ENOX2: variants seen among roughly 807,000 people sequenced by gnomAD.
The protein encoded by ENOX2 is APK1 antigen.
In ENOX2, 36 loss-of-function variants were observed where a neutral mutation model predicts 45.0. That is an observed-to-expected ratio of 0.80 (90% confidence interval 0.61 to 1.06). The LOEUF is 1.06. Ranked by LOEUF, ENOX2 falls within the 50% of genes least tolerant of loss-of-function variation. ENOX2 has a pLI of 0.00. For missense variants in ENOX2, 423 were observed against 462.5 expected (o/e 0.91, Z 0.78); for synonymous variants, 174 against 152.3 (o/e 1.14, Z -1.05).
chrX:130,740,359 T>C (rs1200808081), intron 3 of ENOX2, among the ~76,000 whole-genome samples: 1 of 109,332 alleles, frequency 9.1e-6, no homozygotes, highest in Non-Finnish European at 1.9e-5. Context: ...CAAGATATTC[T>C]GCCACTGCAC....
chrX:130,689,055 G>C, intron 4 of ENOX2, 37 bp from the exon 5 acceptor site: 1 of 1,147,050 alleles, frequency 8.7e-7, no homozygotes, highest in Non-Finnish European at 1.2e-6. Context: ...AATGACACCA[G>C]GCAAAGTTAA....
chrX:130,689,138 G>C, intron 4 of ENOX2, 120 bp from the exon 5 acceptor site: 1 of 512,274 alleles, frequency 2.0e-6, no homozygotes. Flanking sequence ...TATTTAACAA[G>C]CATGGTACTT....
chrX:130,654,464 A>T (rs1490501258), intron 10 of ENOX2, among the ~76,000 whole-genome samples: 1 of 110,785 alleles, frequency 9.0e-6, no homozygotes. Flanking sequence ...CAACAACAAC[A>T]ACTCTGAGAT....
intron 2 of ENOX2, among the ~76,000 whole-genome samples, chrX:130,865,300 G>A (rs1208150850): frequency 9.0e-6 from 1 of 111,053 alleles, no homozygotes; most frequent in Non-Finnish European, 1.9e-5. Context: ...CTACCAGCAG[G>A]GTCTTGGTCT....
chrX:130,825,912 T>G (rs1365374318), intron 2 of ENOX2, among the ~76,000 whole-genome samples: 1 of 111,126 alleles, frequency 9.0e-6, no homozygotes, highest in African/African-American at 3.3e-5. Context: ...TACAGTATAT[T>G]GTTATAGTTG....
At chrX:130,756,955 C>T (rs926060075) in intron 3 of ENOX2, among the ~76,000 whole-genome samples, 3 of 112,335 alleles carry the variant, frequency 2.7e-5, no homozygotes, top group African/African-American at 9.7e-5. Flanking sequence ...CAATAATGTA[C>T]CCTGTACTGT....
At position 130,637,238 on chromosome X, in the gene ENOX2, T is replaced by C. The variant is rs375066119; in HGVS notation, c.1302A>G (p.Gly434=). 89 of 1,209,605 alleles carry C rather than the reference T, an allele frequency of 7.4e-5. No individual in the cohort carries two copies. The Middle Eastern group carries it at 1.4e-3, about 19-fold the overall frequency. Reference sequence around the variant, plus strand: ...ACCAAAATGCCTTTACCTGTTGCATTCCTTGCAGGGCTTGTTGCAGGAGTT... The same window carrying C: ...ACCAAAATGCCTTTACCTGTTGCATCCCTTGCAGGGCTTGTTGCAGGAGTT... ...QLKLLQQALQ[G]MQQHLLKVQE... is the part of the protein sequence containing the mutation. Residue 434 remains glycine (G), a synonymous_variant, in exon 11 of 15, where the codon GGA becomes GGG. Coordinates refer to ENST00000394363, the MANE Select transcript of ENOX2 (RefSeq NM_006375.4).
At chrX:130,775,722 G>C (rs1300593999) in intron 3 of ENOX2, among the ~76,000 whole-genome samples, 1 of 111,180 alleles carries the variant, frequency 9.0e-6, no homozygotes, top group East Asian at 2.8e-4. Flanking sequence ...CACAAGCCAT[G>C]TTCTTCAACA....
At chrX:130,709,657 A>G (rs1464731666) in intron 3 of ENOX2, among the ~76,000 whole-genome samples, 33 of 107,491 alleles carry the variant, frequency 3.1e-4, no homozygotes, top group Non-Finnish European at 4.8e-4. Context: ...AAAAAAAAAG[A>G]AAAGAAAAGA....
intron 12 of ENOX2, among the ~76,000 whole-genome samples, chrX:130,633,089 G>C (rs1340091214): frequency 1.8e-5 from 2 of 111,874 alleles, no homozygotes; most frequent in Non-Finnish European, 3.8e-5. Context: ...TAAAAAATTA[G>C]AAGGTACATT....
At chrX:130,768,448 C>G (rs1251053930) in intron 3 of ENOX2, among the ~76,000 whole-genome samples, 2 of 112,007 alleles carry the variant, frequency 1.8e-5, no homozygotes, top group Non-Finnish European at 3.8e-5. Context: ...GGTTGAGAAT[C>G]ACTGAACAAA....
At chrX:130,820,016 T>C (rs960677446) in intron 2 of ENOX2, among the ~76,000 whole-genome samples, 11 of 111,698 alleles carry the variant, frequency 9.8e-5, no homozygotes, top group African/African-American at 2.0e-4. Context: ...AAGGAAACAA[T>C]AGACTGAAGG....
At chrX:130,885,188 C>A (rs745417338) in intron 2 of ENOX2, among the ~76,000 whole-genome samples, 3 of 112,039 alleles carry the variant, frequency 2.7e-5, no homozygotes, top group African/African-American at 6.5e-5. Context: ...ATACATTTTT[C>A]AGTAAATGAC....
chrX:130,771,216 T>C (rs1350039471), intron 3 of ENOX2, among the ~76,000 whole-genome samples: 2 of 112,313 alleles, frequency 1.8e-5, no homozygotes, highest in African/African-American at 3.2e-5. Context: ...TGAAAGTTCA[T>C]TGGTGTACAT....
intron 5 of ENOX2, among the ~76,000 whole-genome samples, chrX:130,682,526 G>A (rs2037333651): frequency 1.1e-5 from 1 of 92,226 alleles, no homozygotes; most frequent in African/African-American, 4.2e-5. Context: ...GGAGCTTGCA[G>A]TGAGCTAAGA....
intron 2 of ENOX2, among the ~76,000 whole-genome samples, chrX:130,889,556 G>A (rs1279639606): frequency 9.0e-6 from 1 of 111,491 alleles, no homozygotes; most frequent in African/African-American, 3.3e-5. Context: ...CTGCTGAAAG[G>A]GGGAAGGGGA....
intron 2 of ENOX2, among the ~76,000 whole-genome samples, chrX:130,857,379 G>T (rs2078327580): frequency 8.9e-6 from 1 of 112,228 alleles, no homozygotes; most frequent in South Asian, 3.7e-4. Context: ...TTTCATTATG[G>T]TGTTAACTAC....
At chrX:130,898,493 C>CGTGT (rs966089547) in intron 2 of ENOX2, among the ~76,000 whole-genome samples, 1 of 108,864 alleles carries the variant, frequency 9.2e-6, no homozygotes, top group Non-Finnish European at 1.9e-5. Context: ...TGTGCGTGTG[C>CGTGT]GTGTGTGTGT....
At chrX:130,671,162 C>T (rs1402615803) in intron 6 of ENOX2, among the ~76,000 whole-genome samples, 1 of 111,902 alleles carries the variant, frequency 8.9e-6, no homozygotes, top group Non-Finnish European at 1.9e-5. Flanking sequence ...TTTATTCTAA[C>T]CTGCCTCTCA....
Sources: gnomAD v4.1 joint callset for allele counts (sites outside exome capture counted in the v4.1 genomes callset) on GRCh38, gnomAD v4.1.1 for gene constraint, MANE v1.5 for transcripts, NCBI Gene and HGNC (gene_info 2026-07-23, HGNC 2026-07-21) for gene names.